The following DEPTOR variants were observed in gnomAD, a reference collection of about 807,000 sequenced individuals.
The protein encoded by DEPTOR is DEP domain containing MTOR interacting protein.
Under a neutral mutation model 41.6 loss-of-function variants are expected in DEPTOR, and 41 were observed. The observed-to-expected ratio is 0.98, with a 90% CI of 0.77 to 1.28. The LOEUF (loss-of-function observed/expected upper bound fraction) is 1.28. DEPTOR is among the 50% of genes most tolerant of loss of function. The probability of loss-of-function intolerance (pLI) is 0.00; values close to 1 mark genes in which losing one functional copy is unlikely to be tolerated. For missense variants in DEPTOR, 514 were observed against 527.9 expected (o/e 0.97, Z 0.26); for synonymous variants, 195 against 192.3 (o/e 1.01, Z -0.12).
At chr8:120,025,003 C>T (rs926328705) in intron 8 of DEPTOR, among the ~76,000 whole-genome samples, 2 of 152,086 alleles carry the variant, frequency 1.3e-5, no homozygotes, top group Non-Finnish European at 1.5e-5. Flanking sequence ...GATTACCTAC[C>T]ACATATAGTA....
chr8:119,894,816 T>C lies in DEPTOR; in HGVS notation c.122+20848T>C, dbSNP rs548822332. ...CTTTCATAGAAAGTTCGGTATAGTA[T>C]GTAACAAAGACAATACTTATTTATA... On this transcript the variant is annotated intron_variant, in intron 1 of 8. Transcript: ENST00000286234. Among the ~76,000 whole-genome samples the C allele has an allele frequency of 2.4e-3, 369 of 152,344 alleles. 2 individuals are homozygous for C. The highest frequency in any genetic ancestry group is 7.9e-3 in the African/African-American group (328 of 41,590).
intron 5 of DEPTOR, 70 bp from the exon 6 acceptor site, chr8:120,002,907 G>A (rs1433121436): frequency 1.3e-6 from 2 of 1,509,490 alleles, no homozygotes; most frequent in Non-Finnish European, 8.9e-7. Context: ...CCTTGCAGTT[G>A]AAAGCCTATG....
At chr8:119,973,646 G>T (rs1334197913) in intron 4 of DEPTOR, among the ~76,000 whole-genome samples, 1 of 152,212 alleles carries the variant, frequency 6.6e-6, no homozygotes, top group African/African-American at 2.4e-5. Context: ...AATCATGTGG[G>T]TAAATTGCTC....
chr8:120,031,212 A>G (rs1812886172), intron 8 of DEPTOR, among the ~76,000 whole-genome samples: 1 of 152,048 alleles, frequency 6.6e-6, no homozygotes, highest in Non-Finnish European at 1.5e-5. Flanking sequence ...CATGCCTGTA[A>G]TCCCAGCACT....
intron 3 of DEPTOR, among the ~76,000 whole-genome samples, chr8:119,957,638 G>T (rs183248775): frequency 3.3e-5 from 5 of 150,904 alleles, no homozygotes; most frequent in African/African-American, 1.2e-4. Flanking sequence ...GCCCAGGCTG[G>T]AGTGCAATGG....
At chr8:120,005,705 G>A (rs907217628) in intron 6 of DEPTOR, among the ~76,000 whole-genome samples, 1 of 152,138 alleles carries the variant, frequency 6.6e-6, no homozygotes, top group Non-Finnish European at 1.5e-5. Context: ...GGCTACTTGG[G>A]GAGGATACGA....
chr8:119,903,981 C>T (rs573481246), intron 1 of DEPTOR, among the ~76,000 whole-genome samples: 1 of 152,200 alleles, frequency 6.6e-6, no homozygotes, highest in South Asian at 2.1e-4. Flanking sequence ...ACTCTGGGGG[C>T]CAGGAGTTGC....
intron 5 of DEPTOR, among the ~76,000 whole-genome samples, 176 bp from the exon 6 acceptor site, chr8:120,002,794 ATATATAT>A (rs1812373210): frequency 1.1e-4 from 11 of 102,756 alleles, no homozygotes; most frequent in Non-Finnish European, 1.8e-4. Flanking sequence ...AAAAAAAAAT[ATATATAT>A]ATATATATAT....
intron 1 of DEPTOR, among the ~76,000 whole-genome samples, chr8:119,906,486 G>C (rs981226314): frequency 6.6e-6 from 1 of 152,022 alleles, no homozygotes; most frequent in African/African-American, 2.4e-5. Flanking sequence ...ATCCTTTTAA[G>C]AAAAAGTATA....
At chr8:119,946,432 G>GT (rs56272621) in intron 3 of DEPTOR, among the ~76,000 whole-genome samples, 606 of 140,310 alleles carry the variant, frequency 4.3e-3, no homozygotes, top group Admixed American at 4.3e-3. Context: ...ATAGTGTTTG[G>GT]TTTTTTTTTT....
chr8:119,938,729 CAG>C (rs1828159276), intron 3 of DEPTOR, among the ~76,000 whole-genome samples: 2 of 152,000 alleles, frequency 1.3e-5, no homozygotes, highest in South Asian at 4.2e-4. Context: ...AGGTTGGTCT[CAG>C]AGTTCTGGCC....
intron 8 of DEPTOR, among the ~76,000 whole-genome samples, chr8:120,017,532 G>A (rs1215164541): frequency 1.3e-5 from 2 of 152,174 alleles, no homozygotes; most frequent in Non-Finnish European, 2.9e-5. Context: ...GAGTGGTCAC[G>A]TGTTCACCTG....
In DEPTOR at chr8:120,011,583, G is replaced by T. The variant is rs73705881; in HGVS notation, c.1101+2450G>T. ...TTCAGTTCTGAGTGTGCACTCACTC[G>T]CATGATGCTTTGGCTTAAAGAGCAT... On this transcript the variant is annotated intron_variant, in intron 8 of 8. Coordinates refer to ENST00000286234, the MANE Select transcript of DEPTOR (RefSeq NM_022783.4). 3.7e-4 allele frequency among the ~76,000 whole-genome samples: 57 copies of T among 152,234 alleles called. 1 individual carries two copies. Among genetic ancestry groups the T allele is most frequent in the South Asian group, 1.0e-3 (5 of 4,824 alleles).
At chr8:120,030,359 A>G (rs987073678) in intron 8 of DEPTOR, among the ~76,000 whole-genome samples, 1 of 152,084 alleles carries the variant, frequency 6.6e-6, no homozygotes, top group African/African-American at 2.4e-5. Flanking sequence ...GGGCAGGGGC[A>G]CTACTCTGTC....
intron 1 of DEPTOR, among the ~76,000 whole-genome samples, chr8:119,900,387 T>A (rs1484521426): frequency 1.8e-5 from 2 of 112,342 alleles, no homozygotes; most frequent in Non-Finnish European, 3.6e-5. Context: ...CACCTTTTTT[T>A]TTTTTTTTTT....
intron 3 of DEPTOR, among the ~76,000 whole-genome samples, chr8:119,950,907 A>G (rs1586629431): frequency 6.6e-6 from 1 of 151,876 alleles, no homozygotes; most frequent in African/African-American, 2.4e-5. Flanking sequence ...CATGTTTCTT[A>G]TATCTTTTAA....
At chr8:119,906,998 C>A (rs895458275) in intron 1 of DEPTOR, among the ~76,000 whole-genome samples, 2 of 152,118 alleles carry the variant, frequency 1.3e-5, no homozygotes, top group Non-Finnish European at 2.9e-5. Context: ...TGGTAAATAG[C>A]CCTTGTATAA....
intron 8 of DEPTOR, among the ~76,000 whole-genome samples, chr8:120,027,987 A>G (rs1314999918): frequency 1.3e-5 from 2 of 152,134 alleles, no homozygotes; most frequent in Non-Finnish European, 2.9e-5. Context: ...GAGCTTAGAG[A>G]CAGCCTACTG....
intron 3 of DEPTOR, among the ~76,000 whole-genome samples, chr8:119,941,061 G>A (rs978382007): frequency 4.6e-5 from 7 of 152,058 alleles, no homozygotes; most frequent in East Asian, 1.9e-4. Flanking sequence ...AGTGTACTTC[G>A]TGCTACTGAA....
Sources: allele counts gnomAD v4.1 joint callset (sites outside exome capture counted in the v4.1 genomes callset), GRCh38; gene constraint gnomAD v4.1.1; transcripts MANE v1.5; gene names NCBI Gene and HGNC (gene_info 2026-07-23, HGNC 2026-07-21).